Variants in MORN2 observed in about 807,000 individuals in gnomAD.
MORN2 encodes MORN repeat containing 2.
Under a neutral mutation model 13.4 loss-of-function variants are expected in MORN2, and 15 were observed. The observed-to-expected ratio is 1.12, with a 90% confidence interval of 0.75 to 1.72. The LOEUF (loss-of-function observed/expected upper bound fraction) is 1.72, where lower values mean the gene tolerates loss of function less well. MORN2 is among the 40% of genes most tolerant of loss of function. The pLI, the probability that MORN2 is intolerant of heterozygous loss-of-function variation, is 0.00. For synonymous variants in MORN2, 46 were observed against 43.6 expected (o/e 1.06, Z -0.22); for missense variants, 168 against 134.6 (o/e 1.25, Z -1.23).
chr2:38,882,701 A>G lies in MORN2; in HGVS notation c.*186A>G. On this transcript the variant is annotated 3_prime_UTR_variant, in exon 5 of 5. Transcript: ENST00000644631. Reference sequence around the variant, plus strand: ...TTACAATTAGTTTAAAATAAATGACATGATTCAATTCAGTCTGCTTATTAT... The same window carrying G: ...TTACAATTAGTTTAAAATAAATGACGTGATTCAATTCAGTCTGCTTATTAT... The G allele has an allele frequency of 2.4e-6, 1 of 423,900 alleles. No individual in the cohort carries two copies. The highest frequency in any genetic ancestry group is 4.3e-6 in the Non-Finnish European group (1 of 234,688). 26.3% of individuals were successfully genotyped at this position (423,900 alleles called of 1,614,324 possible).
In MORN2 at chr2:38,876,099, C is replaced by G; in HGVS notation, c.47C>G (p.Thr16Ser). ...CAGAGTTTGGAAGATCTCTCTAACA[C>G]CTCTCGGCCAAGTGAGTGTCCCTCC... Residue 16 changes from threonine (T) to serine (S), a missense_variant, in exon 1 of 5, where the codon ACC (threonine) becomes AGC (serine). Thr to Ser is a moderately conservative substitution (Grantham distance 58). Transcript: ENST00000644631. 1 of 398,794 alleles carries G rather than the reference C, an allele frequency of 2.5e-6. No individual in the cohort carries two copies. Among genetic ancestry groups the G allele is most frequent in the South Asian group, 1.3e-4 (1 of 7,862 alleles). 24.7% of individuals were successfully genotyped at this position (398,794 alleles called of 1,614,324 possible).
intron 1 of MORN2, among the ~76,000 whole-genome samples, chr2:38,879,116 T>C (rs1464616604): frequency 6.6e-6 from 1 of 152,184 alleles, no homozygotes; most frequent in Non-Finnish European, 1.5e-5. Flanking sequence ...CCAGTCTCAT[T>C]CTGTGTGGAC....
Position 38,880,630 on chromosome 2 carries a change from T to A in MORN2, c.140T>A (p.Ile47Asn). 1 of 1,543,258 alleles carries A rather than the reference T, an allele frequency of 6.5e-7. No homozygotes were observed. Among genetic ancestry groups the A allele is most frequent in the Non-Finnish European group, 8.7e-7 (1 of 1,144,112 alleles). The change falls in exon 3 of 5, where the codon ATC becomes AAC. Residue 47 changes from isoleucine (I) to asparagine (N), a missense_variant. By Grantham distance (149) the Ile-to-Asn change is moderately radical (BLOSUM62 -3). Transcript: ENST00000644631. ...GACTGTACAAGAACATCTTCTGGAA[T>A]CTACGAGAGAAATGGAATAGGTATT...
In MORN2 at chr2:38,876,093, C is replaced by T. The variant is rs183852286; in HGVS notation, c.41C>T (p.Ser14Phe). 8 of 398,820 alleles carry T rather than the reference C, an allele frequency of 2.0e-5. No homozygotes were observed. In the East Asian group the frequency reaches 2.8e-4, roughly 14 times the overall value. 24.7% of individuals were successfully genotyped at this position (398,820 alleles called of 1,614,324 possible). A position where few individuals can be genotyped will look rare whatever the true frequency, so the allele number is the denominator to read the frequency against. The stretch of plus-strand genomic sequence containing the variant: ...GAGTCGCAGAGTTTGGAAGATCTCT[C>T]TAACACCTCTCGGCCAAGTGAGTGT... The change falls in exon 1 of 5, where the codon TCT becomes TTT. Residue 14 changes from serine (S) to phenylalanine (F), a missense_variant. Physicochemically the swap from Ser to Phe is radical, Grantham distance 155. Coordinates refer to ENST00000644631, the MANE Select transcript of MORN2 (RefSeq NM_001145450.3).
chr2:38,878,725 A>G (rs1287316985), intron 1 of MORN2, among the ~76,000 whole-genome samples: 3 of 151,906 alleles, frequency 2.0e-5, no homozygotes, highest in Admixed American at 2.0e-4. Context: ...TTTTGTAATC[A>G]CCTGTTCCTA....
chr2:38,881,591 TA>T lies in MORN2; in HGVS notation c.353+22del, dbSNP rs537913976. 517 of 1,470,544 alleles carry T rather than the reference TA, an allele frequency of 3.5e-4. 1 individual carries two copies. The highest frequency in any genetic ancestry group is 7.7e-4 in the Admixed American group (27 of 35,104). 91.1% of individuals were successfully genotyped at this position (1,470,544 alleles called of 1,614,324 possible). A position where few individuals can be genotyped will look rare whatever the true frequency, so the allele number is the denominator to read the frequency against. ...TCAATGAAAATAGGTAAGCTTAAAA[TA>T]AAAAAAAATCACTGCATTTCTAAAA... On this transcript the variant is annotated intron_variant, in intron 4 of 4. Transcript: ENST00000644631.
In MORN2 at chr2:38,876,031, T is replaced by G; in HGVS notation, c.-22T>G. The G allele has an allele frequency of 2.5e-6, 1 of 398,768 alleles. No individual in the cohort carries two copies. Among genetic ancestry groups the G allele is most frequent in the South Asian group, 1.3e-4 (1 of 7,862 alleles). The allele number at this position is 398,768 out of a possible 1,614,324, so 24.7% of individuals were successfully genotyped here. On this transcript the variant is annotated 5_prime_UTR_variant, in exon 1 of 5. Coordinates refer to ENST00000644631, the MANE Select transcript of MORN2 (RefSeq NM_001145450.3). ...TCGCACCTGGAGCTGTCCTAGCGCC[T>G]AGTTCTCTCCCGGCCGCAGAGCTGG...
intron 1 of MORN2, among the ~76,000 whole-genome samples, chr2:38,877,544 C>A (rs1665675142): frequency 6.6e-6 from 1 of 152,138 alleles, no homozygotes; most frequent in Admixed American, 6.5e-5. Flanking sequence ...TATTTAACCC[C>A]TAAACGAGAT....
At position 38,882,384 on chromosome 2, in the gene MORN2, A is replaced by C. The variant is rs763306536; in HGVS notation, c.354-29A>C. On this transcript the variant is annotated intron_variant, in intron 4 of 4. Transcript: ENST00000644631. ...GGACTGTAAATTATTCATCTTTGTT[A>C]ATGGAAAACTTATTTTCTACTATTG... The C allele has an allele frequency of 7.1e-6, 10 of 1,404,786 alleles. No homozygotes were observed. In the South Asian group the frequency reaches 1.1e-4, roughly 16 times the overall value. 87.0% of individuals were successfully genotyped at this position (1,404,786 alleles called of 1,614,324 possible). A position where few individuals can be genotyped will look rare whatever the true frequency, so the allele number is the denominator to read the frequency against.
chr2:38,876,357 C>T, intron 1 of MORN2: 1 of 385,586 alleles, frequency 2.6e-6, no homozygotes, highest in Non-Finnish European at 4.6e-6. Flanking sequence ...GCTATGGTGC[C>T]GGGTGGTCTC....
At chr2:38,881,038 C>G (rs1413868246) in intron 3 of MORN2, among the ~76,000 whole-genome samples, 3 of 152,060 alleles carry the variant, frequency 2.0e-5, no homozygotes, top group African/African-American at 7.2e-5. Context: ...GGTTTCTTGC[C>G]CAGCTAGTAA....
intron 3 of MORN2, among the ~76,000 whole-genome samples, chr2:38,881,193 T>G (rs1665768351): frequency 6.6e-6 from 1 of 152,192 alleles, no homozygotes; most frequent in East Asian, 1.9e-4. Context: ...GGACCCCTAT[T>G]TATCTTCATC....
chr2:38,880,780 T>C, intron 3 of MORN2, 74 bp downstream of exon 3: 2 of 1,510,438 alleles, frequency 1.3e-6, no homozygotes, highest in Non-Finnish European at 1.8e-6. Context: ...CATTTCACCA[T>C]TAATCAAAAA....
At chr2:38,877,740 C>G (rs1210410105) in intron 1 of MORN2, among the ~76,000 whole-genome samples, 1 of 151,688 alleles carries the variant, frequency 6.6e-6, no homozygotes, top group Non-Finnish European at 1.5e-5. Flanking sequence ...CTCACCCACC[C>G]AAAGCGTTGG....
chr2:38,876,255 A>G, intron 1 of MORN2, 145 bp downstream of exon 1: 1 of 396,022 alleles, frequency 2.5e-6, no homozygotes, highest in East Asian at 3.6e-5. Context: ...GCACGGGGGA[A>G]CCCCTGGTCT....
rs575698943 is a variant in MORN2 at position 38,881,310 on chromosome 2, A to T, written c.217-132A>T. The T allele has an allele frequency of 2.9e-4, 212 of 732,884 alleles. 1 individual carries two copies. The South Asian group carries it at 2.9e-3, about 10-fold the overall frequency. 45.4% of individuals were successfully genotyped at this position (732,884 alleles called of 1,614,324 possible). ...ATGATAAAAATGTTGTCTTTATACT[A>T]TGGAAATAAAGGACAATACAAAGTT... is the stretch of plus-strand genomic sequence containing the variant. On this transcript the variant is annotated intron_variant, in intron 3 of 4. Coordinates refer to ENST00000644631, the MANE Select transcript of MORN2 (RefSeq NM_001145450.3).
At chr2:38,877,061 G>A (rs1421503333) in intron 1 of MORN2, among the ~76,000 whole-genome samples, 1 of 152,166 alleles carries the variant, frequency 6.6e-6, no homozygotes, top group Non-Finnish European at 1.5e-5. Context: ...GTACGGCATG[G>A]CATCTGTGGG....
chr2:38,882,450 C>T lies in MORN2; in HGVS notation c.391C>T (p.Leu131=), dbSNP rs760015107. 1 of 1,550,754 alleles carries T rather than the reference C, an allele frequency of 6.4e-7. No homozygotes were observed. The highest frequency in any genetic ancestry group is 8.7e-7 in the Non-Finnish European group (1 of 1,146,436). ...AGGGGAATATACTGATATCCAAGGA[C>T]TAGAATGGAGTGGTAACTTTCATTT... Residue 131 remains leucine, a synonymous_variant, in exon 5 of 5, where the codon CTA becomes TTA. Transcript: ENST00000644631.
Position 38,882,163 on chromosome 2 carries a change from T to A in MORN2, c.354-250T>A, listed in dbSNP as rs113867015. ...TGGTTTTGTGTGAACCTAGATTATG[T>A]GATCCTAAAATCTTGGACACCAAAT... On this transcript the variant is annotated intron_variant, in intron 4 of 4. Coordinates refer to ENST00000644631, the MANE Select transcript of MORN2 (RefSeq NM_001145450.3). Among the ~76,000 whole-genome samples the A allele has an allele frequency of 6.6e-3, 998 of 152,052 alleles. 14 individuals carry two copies. The highest frequency in any genetic ancestry group is 0.022 in the African/African-American group (915 of 41,516).
Sources: allele counts gnomAD v4.1 joint callset (sites outside exome capture counted in the v4.1 genomes callset), GRCh38; gene constraint gnomAD v4.1.1; transcripts MANE v1.5; gene names NCBI Gene and HGNC (gene_info 2026-07-23, HGNC 2026-07-21).